Variants in BACE2 observed in about 807,000 individuals in gnomAD.
The protein encoded by BACE2 is beta-secretase 2, also known as 56 kDa aspartic-like protease.
Under a neutral mutation model 46.2 loss-of-function variants are expected in BACE2, and 17 were observed. The observed-to-expected ratio is 0.37, with a 90% CI of 0.25 to 0.55. BACE2 has a LOEUF of 0.55. Among genes scored for constraint, BACE2 ranks in the 20% least tolerant of loss-of-function variants. The probability of loss-of-function intolerance (pLI) is 0.82; values close to 1 mark genes in which losing one functional copy is unlikely to be tolerated. For synonymous variants in BACE2, 277 were observed against 295.9 expected, an observed-to-expected ratio of 0.94 and a Z score of 0.66; for missense variants, 595 against 698.1, an observed-to-expected ratio of 0.85 and a Z score of 1.66.
intron 1 of BACE2, chr21:41,181,921 A>G (rs1273269294): frequency 6.0e-6 from 1 of 166,992 alleles, no homozygotes; most frequent in African/African-American, 2.4e-5. Flanking sequence ...AATTTTGTCC[A>G]CCCTCCCTGT....
At chr21:41,206,031 G>A (rs1568867310) in intron 1 of BACE2, among the ~76,000 whole-genome samples, 1 of 152,228 alleles carries the variant, frequency 6.6e-6, no homozygotes, top group East Asian at 1.9e-4. Flanking sequence ...AACAACACAA[G>A]TGTCTGTGGA....
intron 3 of BACE2, among the ~76,000 whole-genome samples, chr21:41,239,995 G>C (rs1189093593): frequency 6.6e-6 from 1 of 152,226 alleles, no homozygotes; most frequent in South Asian, 2.1e-4. Flanking sequence ...CCCCTTCGGG[G>C]TTTGCTCAGA....
chr21:41,226,214 A>T, intron 1 of BACE2, 52 bp from the exon 2 acceptor site: 1 of 1,431,208 alleles, frequency 7.0e-7, no homozygotes, highest in Non-Finnish European at 9.8e-7. Context: ...GTATTGCCTT[A>T]TTAAAATAAC....
At chr21:41,215,209 C>G (rs1206053320) in intron 1 of BACE2, among the ~76,000 whole-genome samples, 1 of 152,182 alleles carries the variant, frequency 6.6e-6, no homozygotes, top group Non-Finnish European at 1.5e-5. Context: ...GGATGCTTGA[C>G]CGCAAAGGGG....
chr21:41,188,752 C>T (rs192497502), intron 1 of BACE2, among the ~76,000 whole-genome samples: 2 of 152,292 alleles, frequency 1.3e-5, no homozygotes, highest in East Asian at 3.9e-4. Context: ...GAACTGGGGT[C>T]AATCAGAAGT....
intron 8 of BACE2, among the ~76,000 whole-genome samples, chr21:41,265,754 A>G (rs1471078350): frequency 6.6e-6 from 1 of 152,190 alleles, no homozygotes; most frequent in African/African-American, 2.4e-5. Context: ...GTACATTTTT[A>G]AAACTTTGCT....
At chr21:41,208,762 C>CTGCCT (rs1986211012) in intron 1 of BACE2, among the ~76,000 whole-genome samples, 1 of 152,106 alleles carries the variant, frequency 6.6e-6, no homozygotes, top group African/African-American at 2.4e-5. Flanking sequence ...CTCCCCATCT[C>CTGCCT]TGCCTGGGTC....
Position 41,281,263 on chromosome 21 carries a change from G to C in BACE2, c.*5639G>C, listed in dbSNP as rs1257340357. ...ATCTGAGTAAAATATTTTTTCCAAT[G>C]TAGATTTATAATTAGAAATGACAGA... On this transcript the variant is annotated 3_prime_UTR_variant, in exon 9 of 9. Transcript: ENST00000330333. 1 of 152,234 alleles carries C rather than the reference G, an allele frequency of 6.6e-6. No individual in the cohort carries two copies. The highest frequency in any genetic ancestry group is 2.4e-5 in the African/African-American group (1 of 41,464). The allele number at this position is 152,234 out of a possible 1,614,324, so 9.4% of individuals were successfully genotyped here.
Position 41,168,416 on chromosome 21 carries a change from C to T in BACE2, c.153C>T (p.Thr51=), listed in dbSNP as rs1209358815. 13 of 1,406,190 alleles carry T rather than the reference C, an allele frequency of 9.2e-6. No individual in the cohort carries two copies. The highest frequency in any genetic ancestry group is 7.6e-5 in the African/African-American group (5 of 66,020). 87.1% of individuals were successfully genotyped at this position (1,406,190 alleles called of 1,614,324 possible). A position where few individuals can be genotyped will look rare whatever the true frequency, so the allele number is the denominator to read the frequency against. ...TTGCGCCCACCCCGGGACCCGGGAC[C>T]CCTGCCGAGCGCCACGCCGACGGCT... The part of the protein sequence containing the change: ...RVVAPTPGPG[T]PAERHADGLA... The change falls in exon 1 of 9, where the codon ACC becomes ACT. Residue 51 remains threonine, a synonymous_variant. Transcript: ENST00000330333.
chr21:41,256,323 G>T (rs1240285631), intron 7 of BACE2, among the ~76,000 whole-genome samples: 1 of 152,116 alleles, frequency 6.6e-6, no homozygotes, highest in Non-Finnish European at 1.5e-5. Context: ...TCCCACTTAT[G>T]AGTGAGAACA....
At chr21:41,237,854 A>G in intron 3 of BACE2, 125 bp downstream of exon 3, 1 of 701,780 alleles carries the variant, frequency 1.4e-6, no homozygotes, top group Admixed American at 2.6e-5. Context: ...CGTGGTGGAA[A>G]CAGACCAGCA....
rs762588061 is a variant in BACE2, at chr21:41,241,904, C to T, written c.704C>T (p.Ala235Val). ...PNVFSMQMCGAGLPVAGSGTN... is the reference protein window; with the variant it reads ...PNVFSMQMCGVGLPVAGSGTN... ...GTTTTCTCCATGCAGATGTGTGGAG[C>T]CGGCTTGCCCGTTGCTGGATCTGGG... Residue 235 changes from alanine to valine, a missense_variant, in exon 4 of 9, where the codon GCC becomes GTC. Coordinates refer to ENST00000330333, the MANE Select transcript of BACE2 (RefSeq NM_012105.5). The T allele has an allele frequency of 6.2e-7, 1 of 1,614,164 alleles. No individual in the cohort carries two copies. Among genetic ancestry groups the T allele is most frequent in the South Asian group, 1.1e-5 (1 of 91,078 alleles).
rs551561985 is a variant in BACE2, at chr21:41,200,190, TA to T, written c.313-26065del. Among the ~76,000 whole-genome samples, 136 of 125,046 alleles carry T rather than the reference TA, an allele frequency of 1.1e-3. 2 individuals carry two copies. The East Asian group carries it at 0.014, about 13-fold the overall frequency. The allele number at this position is 125,046 out of a possible 152,430, so 82.0% of individuals were successfully genotyped here. A position where few individuals can be genotyped will look rare whatever the true frequency, so the allele number is the denominator to read the frequency against. ...TGTACCCTAAAACTTCAAGTATAATTAAAAAAAAAAACAAAAAAAAAACCCA... is the reference window on the plus strand; with the variant it reads ...TGTACCCTAAAACTTCAAGTATAATTAAAAAAAAAACAAAAAAAAAACCCA... On this transcript the variant is annotated intron_variant, in intron 1 of 8. Coordinates refer to ENST00000330333, the MANE Select transcript of BACE2 (RefSeq NM_012105.5).
At chr21:41,255,311 C>T (rs1047604916) in intron 7 of BACE2, among the ~76,000 whole-genome samples, 6 of 152,054 alleles carry the variant, frequency 3.9e-5, no homozygotes, top group African/African-American at 9.7e-5. Flanking sequence ...CACGGGGTGA[C>T]CTAGGGCCAT....
intron 1 of BACE2, among the ~76,000 whole-genome samples, chr21:41,191,722 G>A (rs1232113491): frequency 6.6e-6 from 1 of 152,128 alleles, no homozygotes; most frequent in African/African-American, 2.4e-5. Context: ...CTGCTACCAT[G>A]GCCACTTTGT....
rs954391094 is a variant in BACE2, at chr21:41,193,164, A to G, written c.312+24589A>G. Among the ~76,000 whole-genome samples, 3 of 152,238 alleles carry G rather than the reference A, an allele frequency of 2.0e-5. No individual in the cohort carries two copies. The highest frequency in any genetic ancestry group is 7.2e-5 in the African/African-American group (3 of 41,466). ...AGGTCTCTCCAAATAAGATTATGAC[A>G]TAAAGCCGGAGAGTTTACTGTCCTA... On this transcript the variant is annotated intron_variant, in intron 1 of 8. Transcript: ENST00000330333. The surrounding 1 kb of genome is among the most constrained non-coding windows in gnomAD (Gnocchi z 4.2).
In BACE2 at chr21:41,241,964, C is replaced by T. The variant is rs372422173; in HGVS notation, c.747+17C>T. The T allele has an allele frequency of 5.6e-6, 9 of 1,611,244 alleles. No individual in the cohort carries two copies. Among genetic ancestry groups the T allele is most frequent in the Non-Finnish European group, 6.8e-6 (8 of 1,179,358 alleles). On this transcript the variant is annotated intron_variant, in intron 4 of 8. Coordinates refer to ENST00000330333, the MANE Select transcript of BACE2 (RefSeq NM_012105.5). ...GGTAGTCTTGTGGGTATCTTTTAGT[C>T]TTAAAGGGGCGAAAAATCACAGATG...
At chr21:41,242,141 T>C (rs1211402533) in intron 4 of BACE2, among the ~76,000 whole-genome samples, 194 bp downstream of exon 4, 1 of 152,090 alleles carries the variant, frequency 6.6e-6, no homozygotes, top group African/African-American at 2.4e-5. Flanking sequence ...TCCTGCCATC[T>C]GGAAGGATGA....
chr21:41,263,221 A>G (rs1455071940), intron 8 of BACE2, among the ~76,000 whole-genome samples: 3 of 152,190 alleles, frequency 2.0e-5, no homozygotes, highest in Non-Finnish European at 4.4e-5. Context: ...TGCCTACTCT[A>G]TAATCAACAT....
Sources: allele counts gnomAD v4.1 joint callset (sites outside exome capture counted in the v4.1 genomes callset), GRCh38; gene constraint gnomAD v4.1.1; non-coding constraint Gnocchi (gnomAD v3.1); transcripts MANE v1.5; gene names NCBI Gene and HGNC (gene_info 2026-07-23, HGNC 2026-07-21).